Variants in MINAR1 observed in about 807,000 individuals in gnomAD.
MINAR1 encodes the protein major intrinsically disordered Notch2-binding receptor 1.
In MINAR1, 40 loss-of-function variants were observed where a neutral mutation model predicts 65.1. That is an observed-to-expected ratio of 0.61 (90% CI 0.48 to 0.80). The LOEUF is 0.80. MINAR1 is among the 30% of genes least tolerant of loss of function. The pLI is 0.00. For missense variants in MINAR1, 1,128 were observed against 1,148.0 expected (o/e 0.98, Z 0.25); for synonymous variants, 482 against 449.1 (o/e 1.07, Z -0.93).
chr15:79,439,453 T>C (rs1894800519), intron 1 of MINAR1, among the ~76,000 whole-genome samples: 1 of 150,240 alleles, frequency 6.7e-6, no homozygotes, highest in South Asian at 2.1e-4. Context: ...TGATGAGATG[T>C]GGGTGGAGTA....
upstream of MINAR1, among the ~76,000 whole-genome samples, chr15:79,429,048 G>A (rs2141270229): frequency 6.6e-6 from 1 of 152,304 alleles, no homozygotes; most frequent in East Asian, 1.9e-4. Context: ...GAATTTGGGG[G>A]GCACTGGAGA....
chr15:79,458,485 C>T (rs1895525271), intron 2 of MINAR1, 40 bp downstream of exon 2: 2 of 1,584,640 alleles, frequency 1.3e-6, no homozygotes, highest in East Asian at 4.5e-5. Context: ...GCACCAGCTT[C>T]ATCATAGCCC....
intron 2 of MINAR1, 136 bp from the exon 3 acceptor site, chr15:79,462,931 A>T (rs554481757): frequency 2.3e-6 from 2 of 867,452 alleles, no homozygotes; most frequent in Non-Finnish European, 3.5e-6. Flanking sequence ...TTATGCTTTC[A>T]TACTTTTGAT....
In MINAR1 at chr15:79,432,872, G is replaced by T. The variant is rs149044669; in HGVS notation, c.-51+332G>T. On this transcript the variant is annotated intron_variant, in intron 1 of 3. Coordinates refer to ENST00000305428, the MANE Select transcript of MINAR1 (RefSeq NM_015206.3). ...GGGCAAGTTTTCCTGGTTGAGCATCGCTTCAGGAAACGGTGTTTTGAGGGT... is the reference window on the plus strand; with the variant it reads ...GGGCAAGTTTTCCTGGTTGAGCATCTCTTCAGGAAACGGTGTTTTGAGGGT... 4.7e-3 allele frequency among the ~76,000 whole-genome samples: 718 copies of T among 152,330 alleles called. 7 individuals carry two copies. Among genetic ancestry groups the T allele is most frequent in the Middle Eastern group, 0.014 (4 of 294 alleles).
chr15:79,425,588 C>T, the MINAR1 span: 1 of 152,186 alleles, frequency 6.6e-6, no homozygotes, highest in Non-Finnish European at 1.5e-5. Flanking sequence ...CAACAAGCCT[C>T]ACTCGTTTGG....
At chr15:79,429,651 A>G (rs1894393928), upstream of MINAR1, among the ~76,000 whole-genome samples, 1 of 152,180 alleles carries the variant, frequency 6.6e-6, no homozygotes, top group Admixed American at 6.5e-5. Flanking sequence ...ATTTTTTTAA[A>G]CTACTTATCC....
chr15:79,458,025 A>G lies in MINAR1; in HGVS notation c.1878A>G (p.Lys626=). 1 of 1,614,202 alleles carries G rather than the reference A, an allele frequency of 6.2e-7. No individual in the cohort carries two copies. Among genetic ancestry groups the G allele is most frequent in the Non-Finnish European group, 8.5e-7 (1 of 1,180,038 alleles). ...ATGAAATCTCCCAGGTCTTGGGCAA[A>G]CTAAATAAATTGGACCAGAAAATGC... ...VRDEISQVLG[K]LNKLDQKMQQ... is the part of the protein sequence containing the mutation. The change falls in exon 2 of 4, where the codon AAA becomes AAG. Residue 626 remains lysine, a synonymous_variant. Transcript: ENST00000305428.
At chr15:79,453,481 T>C (rs1393462266) in intron 1 of MINAR1, among the ~76,000 whole-genome samples, 1 of 152,108 alleles carries the variant, frequency 6.6e-6, no homozygotes, top group Non-Finnish European at 1.5e-5. Flanking sequence ...CAGTTGTTTG[T>C]GTGGTCAAAT....
At chr15:79,465,662 C>G (rs1024021294) in intron 3 of MINAR1, among the ~76,000 whole-genome samples, 2 of 152,010 alleles carry the variant, frequency 1.3e-5, no homozygotes, top group Non-Finnish European at 2.9e-5. Flanking sequence ...GTCATTTAGA[C>G]ACTGTTTGGC....
rs1448492685 is a variant in MINAR1 at position 79,469,871 on chromosome 15, A to G, written c.*1487A>G. 2.6e-5 allele frequency: 4 copies of G among 152,672 alleles called. No individual in the cohort carries two copies. The highest frequency in any genetic ancestry group is 4.4e-5 in the Non-Finnish European group (3 of 68,042). 9.5% of individuals were successfully genotyped at this position (152,672 alleles called of 1,614,324 possible). A position where few individuals can be genotyped will look rare whatever the true frequency, so the allele number is the denominator to read the frequency against. On this transcript the variant is annotated 3_prime_UTR_variant, in exon 4 of 4. Coordinates refer to ENST00000305428, the MANE Select transcript of MINAR1 (RefSeq NM_015206.3). ...GTGTAATCACTCCGTATGATATAAT[A>G]AATTTCTAAAAGATTTGAGAGCATC...
At chr15:79,454,973 AT>A (rs1895361800) in intron 1 of MINAR1, among the ~76,000 whole-genome samples, 1 of 152,260 alleles carries the variant, frequency 6.6e-6, no homozygotes. Context: ...ATGATGAAGT[AT>A]TTGGAAGAAG....
At position 79,457,712 on chromosome 15, in the gene MINAR1, T is replaced by C; in HGVS notation, c.1565T>C (p.Phe522Ser). 6.2e-7 allele frequency: 1 copy of C among 1,614,194 alleles called. No homozygotes were observed. The stretch of plus-strand genomic sequence containing the variant: ...GTCAGCGACGACATCAGTGACATTT[T>C]CCGATTTCTTGATGACATGAGCATC... ...EIVSDDISDI[F>S]RFLDDMSISG... The change falls in exon 2 of 4, where the codon TTC becomes TCC. Residue 522 changes from phenylalanine (F) to serine (S), a missense_variant. By Grantham distance (155) the Phe-to-Ser change is radical. Transcript: ENST00000305428.
intron 2 of MINAR1, among the ~76,000 whole-genome samples, chr15:79,460,627 C>T (rs1322015121): frequency 6.6e-6 from 1 of 152,210 alleles, no homozygotes; most frequent in Non-Finnish European, 1.5e-5. Context: ...TCCATCTCAT[C>T]TCATGGGCCA....
chr15:79,452,715 G>T (rs527446037), intron 1 of MINAR1, among the ~76,000 whole-genome samples: 22 of 117,252 alleles, frequency 1.9e-4, no homozygotes, highest in Non-Finnish European at 3.0e-4. Context: ...TGAGTGTGTG[G>T]GTGTGGGTGA....
chr15:79,440,016 T>C (rs1894826510), intron 1 of MINAR1, among the ~76,000 whole-genome samples: 1 of 152,118 alleles, frequency 6.6e-6, no homozygotes, highest in African/African-American at 2.4e-5. Context: ...GGAGACACAA[T>C]GTGAGAAATG....
At chr15:79,464,805 G>T (rs2141305198) in intron 3 of MINAR1, among the ~76,000 whole-genome samples, 1 of 152,206 alleles carries the variant, frequency 6.6e-6, no homozygotes, top group South Asian at 2.1e-4. Flanking sequence ...CATACCCCTT[G>T]ATCCTTCAGG....
the MINAR1 span, chr15:79,426,577 C>G: frequency 6.6e-6 from 1 of 152,246 alleles, no homozygotes; most frequent in African/African-American, 2.4e-5. Flanking sequence ...AGGCCATTTG[C>G]AAAGCAGGAG....
chr15:79,455,120 G>A (rs1895368316), intron 1 of MINAR1, among the ~76,000 whole-genome samples: 1 of 152,088 alleles, frequency 6.6e-6, no homozygotes, highest in Non-Finnish European at 1.5e-5. Context: ...GTATATTAGT[G>A]TTCATTATAA....
upstream of MINAR1, among the ~76,000 whole-genome samples, chr15:79,430,301 A>G (rs1249991438): frequency 6.6e-6 from 1 of 152,178 alleles, no homozygotes; most frequent in African/African-American, 2.4e-5. Flanking sequence ...TTTTCCTTCT[A>G]GAATGTGGTC....
Sources: allele counts gnomAD v4.1 joint callset (sites outside exome capture counted in the v4.1 genomes callset), GRCh38; gene constraint gnomAD v4.1.1; transcripts MANE v1.5; gene names NCBI Gene and HGNC (gene_info 2026-07-23, HGNC 2026-07-21).